The following TSPAN13 variants were observed in gnomAD, a reference collection of about 807,000 sequenced individuals.
TSPAN13 encodes tetraspanin 13.
Under a neutral mutation model 26.9 loss-of-function variants are expected in TSPAN13, and 18 were observed. The ratio of observed to expected loss-of-function variants is 0.67; its 90% confidence interval spans 0.46 to 0.99. The LOEUF is 0.99. Ranked by LOEUF, TSPAN13 falls within the 50% of genes least tolerant of loss-of-function variation. TSPAN13 has a pLI of 0.00. For synonymous variants in TSPAN13, 116 were observed against 98.4 expected (o/e 1.18, Z -1.06); for missense variants, 201 against 249.6 (o/e 0.81, Z 1.31).
At position 16,753,756 on chromosome 7, in the gene TSPAN13, C is replaced by T. The variant is rs1037021869; in HGVS notation, c.-212C>T. 10 of 442,214 alleles carry T rather than the reference C, an allele frequency of 2.3e-5. No individual in the cohort carries two copies. The East Asian group carries it at 2.8e-4, about 12-fold the overall frequency. 27.4% of individuals were successfully genotyped at this position (442,214 alleles called of 1,614,324 possible). A position where few individuals can be genotyped will look rare whatever the true frequency, so the allele number is the denominator to read the frequency against. On this transcript the variant is annotated 5_prime_UTR_variant, in exon 1 of 6. Coordinates refer to ENST00000262067, the MANE Select transcript of TSPAN13 (RefSeq NM_014399.4). ...CTGGGCGGGGCTCGGGCTCCTGCTC[C>T]GGCTCAGCTGCGGCGGCCGCAGGTT...
Position 16,776,273 on chromosome 7 carries a change from T to C in TSPAN13, c.126T>C (p.Ser42=). The change falls in exon 2 of 6, where the codon AGT becomes AGC. Residue 42 remains serine, a synonymous_variant. Coordinates refer to ENST00000262067, the MANE Select transcript of TSPAN13 (RefSeq NM_014399.4). The stretch of plus-strand genomic sequence containing the variant: ...GCATTGGCTTCGGGCTGATTTCCAG[T>C]CTCCGAGTGGTCGGCGTGGTCATTG... ...AWGIGFGLIS[S]LRVVGVVIAV... 2 of 1,614,172 alleles carry C rather than the reference T, an allele frequency of 1.2e-6. No homozygotes were observed. The highest frequency in any genetic ancestry group is 1.7e-6 in the Non-Finnish European group (2 of 1,180,028).
chr7:16,763,481 G>A (rs1183852450), intron 1 of TSPAN13, among the ~76,000 whole-genome samples: 2 of 152,106 alleles, frequency 1.3e-5, no homozygotes, highest in South Asian at 2.1e-4. Flanking sequence ...GCTCGAAGTC[G>A]CTCGCCCCTT....
chr7:16,777,217 T>C (rs979214865), intron 3 of TSPAN13, 95 bp downstream of exon 3: 2 of 880,510 alleles, frequency 2.3e-6, no homozygotes, highest in East Asian at 2.5e-5. Context: ...TAATTTCGTC[T>C]TGCACAGAAT....
intron 1 of TSPAN13, among the ~76,000 whole-genome samples, chr7:16,764,895 A>G (rs546126696): frequency 6.6e-5 from 10 of 151,878 alleles, no homozygotes; most frequent in African/African-American, 2.4e-4. Context: ...GTTTAGTGCC[A>G]TGGTGTTCTC....
intron 1 of TSPAN13, among the ~76,000 whole-genome samples, chr7:16,760,183 C>T (rs377155004): frequency 3.0e-4 from 45 of 152,174 alleles, no homozygotes; most frequent in African/African-American, 9.9e-4. Flanking sequence ...CTGATATAGT[C>T]TGATTTTTAT....
At chr7:16,770,277 C>T (rs1036781545) in intron 1 of TSPAN13, among the ~76,000 whole-genome samples, 2 of 152,038 alleles carry the variant, frequency 1.3e-5, no homozygotes, top group Non-Finnish European at 2.9e-5. Context: ...ACAATCTCGG[C>T]TCACTGCAGC....
intron 4 of TSPAN13, among the ~76,000 whole-genome samples, chr7:16,778,513 G>A (rs1784778217): frequency 1.3e-5 from 2 of 152,144 alleles, no homozygotes; most frequent in African/African-American, 2.4e-5. Context: ...TGAAGCTTGG[G>A]GTCCTCTCCC....
intron 1 of TSPAN13, among the ~76,000 whole-genome samples, chr7:16,759,209 G>A (rs1261220700): frequency 6.6e-6 from 1 of 152,126 alleles, no homozygotes; most frequent in African/African-American, 2.4e-5. Flanking sequence ...GTGTTAGACT[G>A]TTCTTGCATT....
intron 1 of TSPAN13, among the ~76,000 whole-genome samples, chr7:16,758,274 T>A (rs1350325424): frequency 6.6e-6 from 1 of 152,090 alleles, no homozygotes; most frequent in East Asian, 1.9e-4. Flanking sequence ...TCCATACAAA[T>A]TATGGGAAGA....
chr7:16,766,103 A>G (rs533332620), intron 1 of TSPAN13, among the ~76,000 whole-genome samples: 1 of 152,364 alleles, frequency 6.6e-6, no homozygotes, highest in African/African-American at 2.4e-5. Flanking sequence ...TTAGAGGCAT[A>G]TTATAAGTCT....
chr7:16,754,821 G>A (rs550462447), intron 1 of TSPAN13, among the ~76,000 whole-genome samples: 2 of 152,282 alleles, frequency 1.3e-5, no homozygotes, highest in African/African-American at 4.8e-5. Context: ...TGGGTGAACA[G>A]GAGGATGGGC....
At chr7:16,777,381 C>A (rs1784762994) in intron 3 of TSPAN13, among the ~76,000 whole-genome samples, 1 of 152,078 alleles carries the variant, frequency 6.6e-6, no homozygotes, top group African/African-American at 2.4e-5. Flanking sequence ...AAAAGATGTT[C>A]CCCCAATCTT....
chr7:16,766,483 C>A (rs551932378), intron 1 of TSPAN13, among the ~76,000 whole-genome samples: 3 of 152,196 alleles, frequency 2.0e-5, no homozygotes, highest in Non-Finnish European at 4.4e-5. Context: ...ACTTTTGAAA[C>A]CATCTGAGTG....
rs1784770948 is a variant in TSPAN13 at position 16,777,863 on chromosome 7, A to G, written c.378A>G (p.Leu126=). 6.2e-7 allele frequency: 1 copy of G among 1,613,958 alleles called. No individual in the cohort carries two copies. The change falls in exon 4 of 6, where the codon CTA becomes CTG. Residue 126 remains leucine (L), a synonymous_variant. Transcript: ENST00000262067. ...CTCGAAATGACATCCAGAGAAATCT[A>G]AACTGCTGTGGGTTCCGAAGTGTTA... The part of the protein sequence containing the change: ...ASARNDIQRN[L]NCCGFRSVNP...
chr7:16,765,151 G>A (rs1784591754), intron 1 of TSPAN13, among the ~76,000 whole-genome samples: 1 of 152,124 alleles, frequency 6.6e-6, no homozygotes, highest in African/African-American at 2.4e-5. Flanking sequence ...TGCCCAGGCT[G>A]GAGTGCAGTG....
chr7:16,760,398 A>G (rs1184523833), intron 1 of TSPAN13, among the ~76,000 whole-genome samples: 1 of 152,202 alleles, frequency 6.6e-6, no homozygotes, highest in East Asian at 1.9e-4. Context: ...GGGACAAGTC[A>G]CAGATTACTA....
chr7:16,783,584 A>G lies in TSPAN13; in HGVS notation c.*93A>G, dbSNP rs1784838893. ...TCCATTTGCCAGTTTAAGGAAGGAA[A>G]CACTATCTGGAAAAGTACCTTATTG... On this transcript the variant is annotated 3_prime_UTR_variant, in exon 6 of 6. Coordinates refer to ENST00000262067, the MANE Select transcript of TSPAN13 (RefSeq NM_014399.4). 2 of 1,163,726 alleles carry G rather than the reference A, an allele frequency of 1.7e-6. No individual in the cohort carries two copies. The highest frequency in any genetic ancestry group is 3.0e-5 in the African/African-American group (2 of 66,392). The allele number at this position is 1,163,726 out of a possible 1,614,324, so 72.1% of individuals were successfully genotyped here.
chr7:16,758,671 C>A (rs1209021192), intron 1 of TSPAN13, among the ~76,000 whole-genome samples: 1 of 151,926 alleles, frequency 6.6e-6, no homozygotes. Flanking sequence ...TGAAAGTTGG[C>A]ATTAGGTTAA....
chr7:16,757,735 G>C (rs1784496908), intron 1 of TSPAN13, among the ~76,000 whole-genome samples: 1 of 151,980 alleles, frequency 6.6e-6, no homozygotes, highest in African/African-American at 2.4e-5. Flanking sequence ...TGGTTGTTTT[G>C]AGAAAAATTC....
Sources: allele counts gnomAD v4.1 joint callset (sites outside exome capture counted in the v4.1 genomes callset), GRCh38; gene constraint gnomAD v4.1.1; transcripts MANE v1.5; gene names NCBI Gene and HGNC (gene_info 2026-07-23, HGNC 2026-07-21).